Variants in RSRC1 observed in about 807,000 individuals in gnomAD.
The protein encoded by RSRC1 is arginine and serine rich coiled-coil 1.
Under a neutral mutation model 49.1 loss-of-function variants are expected in RSRC1, and 39 were observed. That is an observed-to-expected ratio of 0.79 (90% confidence interval 0.61 to 1.04). The LOEUF (loss-of-function observed/expected upper bound fraction) is 1.04. Among genes scored for constraint, RSRC1 ranks in the 50% least tolerant of loss-of-function variants. The pLI is 0.00. For missense variants in RSRC1, 388 were observed against 402.4 expected (o/e 0.96, Z 0.31); for synonymous variants, 143 against 130.8 (o/e 1.09, Z -0.63).
rs1722045694 is a variant in RSRC1 at position 158,218,027 on chromosome 3, C to G, written c.494+14782C>G. ...TAGAATGGAGGGACACTGATACGAACAGGGACTGAAAGATGATCACAGAAG... is the reference window on the plus strand; with the variant it reads ...TAGAATGGAGGGACACTGATACGAAGAGGGACTGAAAGATGATCACAGAAG... On this transcript the variant is annotated intron_variant, in intron 4 of 9. Transcript: ENST00000611884. Among the ~76,000 whole-genome samples, 4 of 151,462 alleles carry G rather than the reference C, an allele frequency of 2.6e-5. 1 individual carries two copies. The South Asian group carries it at 8.3e-4, about 31-fold the overall frequency.
intron 4 of RSRC1, among the ~76,000 whole-genome samples, chr3:158,290,334 G>A (rs1007344001): frequency 4.0e-5 from 6 of 151,022 alleles, no homozygotes; most frequent in African/African-American, 7.4e-5. Flanking sequence ...GTGCAGTGGC[G>A]CGATTTCGGC....
chr3:158,333,273 T>C (rs564643565), intron 5 of RSRC1, among the ~76,000 whole-genome samples: 116 of 152,332 alleles, frequency 7.6e-4, no homozygotes, highest in Middle Eastern at 3.4e-3. Flanking sequence ...CAGACTTGCA[T>C]AGGTAAGGAA....
intron 7 of RSRC1, among the ~76,000 whole-genome samples, chr3:158,517,334 ATTTC>A (rs1194248251): frequency 6.6e-6 from 1 of 151,768 alleles, no homozygotes; most frequent in East Asian, 1.9e-4. Flanking sequence ...TTGTTATATC[ATTTC>A]TTTCTTTTTC....
At chr3:158,252,152 G>A (rs1436950433) in intron 4 of RSRC1, among the ~76,000 whole-genome samples, 1 of 150,252 alleles carries the variant, frequency 6.7e-6, no homozygotes, top group Non-Finnish European at 1.5e-5. Flanking sequence ...ACTTGGTCAT[G>A]ATGAATGATT....
intron 4 of RSRC1, among the ~76,000 whole-genome samples, chr3:158,275,036 T>A (rs1725730394): frequency 1.3e-5 from 2 of 152,162 alleles, no homozygotes; most frequent in Non-Finnish European, 2.9e-5. Context: ...TATTTTAAGA[T>A]TGACTTCTAA....
chr3:158,273,949 T>C (rs1725662239), intron 4 of RSRC1, among the ~76,000 whole-genome samples: 2 of 152,138 alleles, frequency 1.3e-5, no homozygotes, highest in South Asian at 4.1e-4. Flanking sequence ...GTTTTTACAG[T>C]GTAACACTAC....
At chr3:158,374,947 A>T (rs1002229891) in intron 6 of RSRC1, among the ~76,000 whole-genome samples, 1 of 151,998 alleles carries the variant, frequency 6.6e-6, no homozygotes, top group Non-Finnish European at 1.5e-5. Context: ...AAGTTATTTG[A>T]TATGAGTTAA....
intron 5 of RSRC1, among the ~76,000 whole-genome samples, chr3:158,308,657 T>G (rs905972293): frequency 6.6e-6 from 1 of 151,958 alleles, no homozygotes; most frequent in Admixed American, 6.6e-5. Context: ...CTAGGACCCA[T>G]ATATCAAAAT....
At chr3:158,130,395 A>T (rs1270157568) in intron 3 of RSRC1, among the ~76,000 whole-genome samples, 12 of 152,168 alleles carry the variant, frequency 7.9e-5, no homozygotes, top group Non-Finnish European at 1.6e-4. Flanking sequence ...TTGAAAATGG[A>T]ATTATTTTAA....
At chr3:158,267,508 C>T (rs1342810878) in intron 4 of RSRC1, among the ~76,000 whole-genome samples, 1 of 151,960 alleles carries the variant, frequency 6.6e-6, no homozygotes, top group African/African-American at 2.4e-5. Context: ...TATTGTCCTA[C>T]AGATCTCTTG....
intron 6 of RSRC1, among the ~76,000 whole-genome samples, chr3:158,358,923 A>AAAAT (rs1331242385): frequency 3.1e-5 from 2 of 64,180 alleles, no homozygotes; most frequent in East Asian, 1.2e-3. Flanking sequence ...TATACACACA[A>AAAAT]ACATACACAC....
chr3:158,147,501 C>T (rs1478694281), intron 3 of RSRC1, among the ~76,000 whole-genome samples: 2 of 134,362 alleles, frequency 1.5e-5, no homozygotes, highest in Non-Finnish European at 3.1e-5. Flanking sequence ...TGTTCCATAT[C>T]TTTAATAAAT....
At chr3:158,339,396 G>A (rs1730106486) in intron 5 of RSRC1, among the ~76,000 whole-genome samples, 1 of 151,600 alleles carries the variant, frequency 6.6e-6, no homozygotes, top group South Asian at 2.1e-4. Context: ...GGAAAGATAT[G>A]GCACATAGAA....
intron 5 of RSRC1, among the ~76,000 whole-genome samples, chr3:158,323,062 T>C (rs1021471041): frequency 6.6e-6 from 1 of 152,192 alleles, no homozygotes; most frequent in Non-Finnish European, 1.5e-5. Flanking sequence ...CCTTTTTTTT[T>C]CTAATGTCTA....
At chr3:158,325,012 T>G (rs1167479836) in intron 5 of RSRC1, among the ~76,000 whole-genome samples, 2 of 152,252 alleles carry the variant, frequency 1.3e-5, no homozygotes, top group African/African-American at 4.8e-5. Context: ...ATGTGTCTGT[T>G]GGCTGCATAA....
intron 5 of RSRC1, among the ~76,000 whole-genome samples, chr3:158,326,783 G>T (rs1164965475): frequency 6.6e-6 from 1 of 152,144 alleles, no homozygotes; most frequent in Non-Finnish European, 1.5e-5. Context: ...TCTATTGATT[G>T]GAATAGTTTC....
At chr3:158,208,529 A>G (rs1721479080) in intron 4 of RSRC1, among the ~76,000 whole-genome samples, 1 of 152,028 alleles carries the variant, frequency 6.6e-6, no homozygotes, top group Non-Finnish European at 1.5e-5. Context: ...AAACTTGGCT[A>G]ATTTTTTTAT....
At chr3:158,464,764 C>T (rs1352684941) in intron 7 of RSRC1, among the ~76,000 whole-genome samples, 1 of 152,020 alleles carries the variant, frequency 6.6e-6, no homozygotes, top group East Asian at 1.9e-4. Context: ...TATTAACTGT[C>T]TTAATCATCA....
intron 6 of RSRC1, among the ~76,000 whole-genome samples, chr3:158,415,139 C>A (rs1177125253): frequency 6.6e-6 from 1 of 152,064 alleles, no homozygotes; most frequent in African/African-American, 2.4e-5. Flanking sequence ...ATCATTTTTG[C>A]TTGAAAATGG....
Sources: gnomAD v4.1 joint callset for allele counts (sites outside exome capture counted in the v4.1 genomes callset) on GRCh38, gnomAD v4.1.1 for gene constraint, MANE v1.5 for transcripts, NCBI Gene and HGNC (gene_info 2026-07-23, HGNC 2026-07-21) for gene names.